Variants in CDH4 observed in about 807,000 individuals in gnomAD.
CDH4 encodes the protein cadherin 4.
A neutral mutation model predicts 86.0 loss-of-function variants in CDH4; 33 were observed. That is an observed-to-expected ratio of 0.38 (90% CI 0.29 to 0.51). The LOEUF (loss-of-function observed/expected upper bound fraction) is 0.51. Ranked by LOEUF, CDH4 falls within the 20% of genes least tolerant of loss-of-function variation. The pLI is 0.86. For synonymous variants in CDH4, 555 were observed against 549.4 expected (o/e 1.01, Z -0.14); for missense variants, 1,114 against 1,307.4 (o/e 0.85, Z 2.28).
intron 3 of CDH4, among the ~76,000 whole-genome samples, chr20:61,771,154 G>A (rs1351726683): frequency 3.3e-5 from 5 of 151,356 alleles, no homozygotes; most frequent in Non-Finnish European, 7.4e-5. Flanking sequence ...GGGACTACAG[G>A]CATGTGCCAC....
intron 8 of CDH4, among the ~76,000 whole-genome samples, chr20:61,908,048 C>G (rs956542890): frequency 6.6e-6 from 1 of 152,182 alleles, no homozygotes; most frequent in Non-Finnish European, 1.5e-5. Context: ...AGAGCTGGGC[C>G]GGGCTGCGGG....
rs1039219052 is a variant in CDH4 at position 61,642,372 on chromosome 20, A to T, written c.170-101191A>T. ...GGGAACCAGCAGGTGGGTGGCAGAGAGGTCTACACTACAGAAGGAAGTGCT... is the reference window on the plus strand; with the variant it reads ...GGGAACCAGCAGGTGGGTGGCAGAGTGGTCTACACTACAGAAGGAAGTGCT... On this transcript the variant is annotated intron_variant, in intron 2 of 15. Transcript: ENST00000614565. 5.9e-5 allele frequency among the ~76,000 whole-genome samples: 9 copies of T among 152,234 alleles called. 1 individual carries two copies. The highest frequency in any genetic ancestry group is 2.2e-4 in the African/African-American group (9 of 41,548).
chr20:61,384,961 G>T (rs2084943079), intron 2 of CDH4, among the ~76,000 whole-genome samples: 1 of 152,180 alleles, frequency 6.6e-6, no homozygotes, highest in Non-Finnish European at 1.5e-5. Flanking sequence ...CTAACTCTGA[G>T]CTACTCGTTT....
intron 2 of CDH4, among the ~76,000 whole-genome samples, chr20:61,349,927 G>T (rs1435452082): frequency 6.6e-6 from 1 of 152,158 alleles, no homozygotes; most frequent in East Asian, 1.9e-4. Context: ...GGTGGCCTCA[G>T]TGCCAGACTC....
At chr20:61,802,398 G>T (rs1281333806) in intron 4 of CDH4, among the ~76,000 whole-genome samples, 1 of 152,232 alleles carries the variant, frequency 6.6e-6, no homozygotes, top group Non-Finnish European at 1.5e-5. Context: ...CCTCGTGGGG[G>T]TCAGTTGTGC....
chr20:61,690,588 T>C (rs1403958053), intron 2 of CDH4, among the ~76,000 whole-genome samples: 1 of 152,144 alleles, frequency 6.6e-6, no homozygotes, highest in African/African-American at 2.4e-5. Context: ...GTCTGCTGCA[T>C]GTCTCTGTTC....
intron 2 of CDH4, among the ~76,000 whole-genome samples, chr20:61,584,835 T>C (rs981496367): frequency 2.4e-4 from 35 of 145,106 alleles, no homozygotes; most frequent in Admixed American, 9.0e-4. Flanking sequence ...CGGGGCGCGC[T>C]GCCTGGGCCA....
chr20:61,561,559 G>A (rs950462926), intron 2 of CDH4, among the ~76,000 whole-genome samples: 1 of 152,206 alleles, frequency 6.6e-6, no homozygotes, highest in African/African-American at 2.4e-5. Context: ...ATGGCAGGTG[G>A]GTTTCTGCCT....
chr20:61,390,039 G>A (rs1210544229), intron 2 of CDH4, among the ~76,000 whole-genome samples: 5 of 151,292 alleles, frequency 3.3e-5, no homozygotes, highest in African/African-American at 1.2e-4. Context: ...GACCCCGATT[G>A]AGATCGTGCA....
intron 7 of CDH4, among the ~76,000 whole-genome samples, chr20:61,894,386 G>C (rs960536533): frequency 6.6e-6 from 1 of 152,218 alleles, no homozygotes; most frequent in African/African-American, 2.4e-5. Flanking sequence ...CCAGCAGAAA[G>C]CATGCTTGCA....
At chr20:61,667,199 G>T (rs1019584371) in intron 2 of CDH4, among the ~76,000 whole-genome samples, 4 of 152,354 alleles carry the variant, frequency 2.6e-5, no homozygotes, top group South Asian at 2.1e-4. Context: ...GGAGCATGGG[G>T]CCACCCCACC....
intron 2 of CDH4, among the ~76,000 whole-genome samples, chr20:61,454,799 G>C (rs947945406): frequency 1.9e-4 from 29 of 152,120 alleles, no homozygotes; most frequent in Non-Finnish European, 3.4e-4. Flanking sequence ...CAGGTCAGAG[G>C]TCTGTGGCAA....
At chr20:61,842,494 G>A (rs892845897) in intron 4 of CDH4, among the ~76,000 whole-genome samples, 1 of 152,238 alleles carries the variant, frequency 6.6e-6, no homozygotes, top group African/African-American at 2.4e-5. Context: ...ATTTCCTGAA[G>A]TCATACGGTA....
Position 61,510,287 on chromosome 20 carries a change from G to A in CDH4, c.170-233276G>A, listed in dbSNP as rs28448794. ...GGTGTGTGCTTTGTGTTTTGGGGGG[G>A]CCAGGAACGTGCATTCAGGGGAGTT... On this transcript the variant is annotated intron_variant, in intron 2 of 15. Transcript: ENST00000614565. The surrounding 1 kb of genome is among the most constrained non-coding windows in gnomAD (Gnocchi z 4.2). 0.022 allele frequency among the ~76,000 whole-genome samples: 3,421 copies of A among 152,244 alleles called. 77 individuals carry two copies. The highest frequency in any genetic ancestry group is 0.054 in the African/African-American group (2,250 of 41,530).
chr20:61,302,255 T>C (rs1028372463), intron 2 of CDH4, among the ~76,000 whole-genome samples: 3 of 152,356 alleles, frequency 2.0e-5, no homozygotes, highest in South Asian at 2.1e-4. Context: ...GGGCATCTTC[T>C]TAGCCACTGG....
At chr20:61,261,190 TAGTCAGTGATTCCTA>T (rs1021065554) in intron 2 of CDH4, among the ~76,000 whole-genome samples, 32 of 152,148 alleles carry the variant, frequency 2.1e-4, no homozygotes, top group Admixed American at 3.9e-4. Context: ...AGTGGTTCCT[TAGTCAGTGATTCCTA>T]AGTCAGTGAT....
At chr20:61,919,420 G>A (rs966554246) in intron 9 of CDH4, among the ~76,000 whole-genome samples, 1 of 152,216 alleles carries the variant, frequency 6.6e-6, no homozygotes, top group African/African-American at 2.4e-5. Context: ...GAACACCCCA[G>A]GTTCCTTCCT....
chr20:61,300,165 G>A (rs190354775), intron 2 of CDH4, among the ~76,000 whole-genome samples: 19 of 152,314 alleles, frequency 1.2e-4, no homozygotes, highest in African/African-American at 4.1e-4. Flanking sequence ...AGCTAAAGCA[G>A]GTGGTGAGAT....
At chr20:61,446,836 T>G (rs2085353220) in intron 2 of CDH4, among the ~76,000 whole-genome samples, 1 of 152,214 alleles carries the variant, frequency 6.6e-6, no homozygotes, top group Non-Finnish European at 1.5e-5. Context: ...TATACCTTAA[T>G]AAATATATTC....
Sources: allele counts gnomAD v4.1 joint callset (sites outside exome capture counted in the v4.1 genomes callset), GRCh38; gene constraint gnomAD v4.1.1; non-coding constraint Gnocchi (gnomAD v3.1); transcripts MANE v1.5; gene names NCBI Gene and HGNC (gene_info 2026-07-23, HGNC 2026-07-21).